ALDH16A1: variants seen among roughly 807,000 people sequenced by gnomAD.
The protein encoded by ALDH16A1 is aldehyde dehydrogenase family 16 member A1.
ALDH16A1 carries 88 observed loss-of-function variants against 96.1 expected under a neutral mutation model. The ratio of observed to expected loss-of-function variants is 0.92; its 90% CI spans 0.77 to 1.09. The LOEUF is 1.09. ALDH16A1 is among the 50% of genes least tolerant of loss of function. The pLI is 0.00. For missense variants in ALDH16A1, 1,250 were observed against 1,112.6 expected (o/e 1.12, Z -1.76); for synonymous variants, 522 against 496.4 (o/e 1.05, Z -0.69).
At chr19:49,469,022 C>A in intron 16 of ALDH16A1, 36 bp downstream of exon 16, 1 of 1,581,902 alleles carries the variant, frequency 6.3e-7, no homozygotes, top group Non-Finnish European at 8.6e-7. Context: ...TTCAGCATCT[C>A]AAACTTCAAA....
Position 49,463,946 on chromosome 19 carries a change from G to A in ALDH16A1, c.1191G>A (p.Val397=). 6.2e-7 allele frequency: 1 copy of A among 1,608,512 alleles called. No homozygotes were observed. Among genetic ancestry groups the A allele is most frequent in the Non-Finnish European group, 8.5e-7 (1 of 1,177,040 alleles). The change falls in exon 9 of 17, where the codon GTG becomes GTA. Residue 397 remains valine (V), a synonymous_variant. Coordinates refer to ENST00000293350, the MANE Select transcript of ALDH16A1 (RefSeq NM_153329.4). ...CCCCAGCCTCCCCATGTGCCCAGGT[G>A]GAGGTGAGACCCTTAAGGCTGCAGA... The part of the protein sequence containing the change: ...NLPPASPCAQ[V]EVPWPVVVAS...
intron 12 of ALDH16A1, among the ~76,000 whole-genome samples, chr19:49,465,349 T>TA (rs146440084): frequency 0.03 from 3,161 of 105,636 alleles, 109 homozygotes; most frequent in African/African-American, 0.1. Context: ...CTCATGGGAG[T>TA]AGGAGTTTAG....
intron 1 of ALDH16A1, among the ~76,000 whole-genome samples, chr19:49,454,506 C>T (rs1182788758): frequency 6.6e-6 from 1 of 152,160 alleles, no homozygotes; most frequent in African/African-American, 2.4e-5. Context: ...CCCATGACCC[C>T]TCAGAGGCCC....
At chr19:49,469,464 A>C (rs2079226919) in intron 16 of ALDH16A1, 1 of 151,916 alleles carries the variant, frequency 6.6e-6, no homozygotes, top group Non-Finnish European at 1.5e-5. Context: ...GGCCAGGCTG[A>C]TCTTGAACTC....
intron 1 of ALDH16A1, among the ~76,000 whole-genome samples, chr19:49,458,259 G>A (rs1028314315): frequency 6.6e-6 from 1 of 152,088 alleles, no homozygotes; most frequent in Admixed American, 6.5e-5. Flanking sequence ...CTAGAGTGGT[G>A]ATGGTTACAC....
At chr19:49,458,753 A>G (rs1361800000) in intron 2 of ALDH16A1, among the ~76,000 whole-genome samples, 165 bp downstream of exon 2, 45 of 152,022 alleles carry the variant, frequency 3.0e-4, no homozygotes, top group Non-Finnish European at 8.8e-5. Context: ...CACCCTAATT[A>G]TGGTTCCGGG....
Position 49,468,464 on chromosome 19 carries a change from G to A in ALDH16A1, c.2022G>A (p.Leu674=). The change falls in exon 15 of 17, where the codon CTG becomes CTA. Residue 674 remains leucine, a synonymous_variant. Transcript: ENST00000293350. This position sits in a 1 kb window ranked among gnomAD's most constrained non-coding sequence, Gnocchi z 4.4. Reference sequence around the variant, plus strand: ...TGGTGTGTCCGGACGAGTGGCCCCTGCTTGCCTTCGTGTCCCTGCTGGCTC... The same window carrying A: ...TGGTGTGTCCGGACGAGTGGCCCCTACTTGCCTTCGTGTCCCTGCTGGCTC... ...LAVVCPDEWP[L]LAFVSLLAPA... 6.2e-7 allele frequency: 1 copy of A among 1,602,270 alleles called. No homozygotes were observed. Among genetic ancestry groups the A allele is most frequent in the South Asian group, 1.1e-5 (1 of 91,050 alleles).
intron 14 of ALDH16A1, 90 bp downstream of exon 14, chr19:49,466,373 G>A (rs2079199233): frequency 1.5e-6 from 2 of 1,331,522 alleles, no homozygotes; most frequent in Non-Finnish European, 2.0e-6. Context: ...TGGAATTCGG[G>A]CCCAGCCCCA....
In ALDH16A1 at chr19:49,461,986, G is replaced by C. The variant is rs2079153481; in HGVS notation, c.862G>C (p.Asp288His). Residue 288 changes from aspartate (D) to histidine (H), a missense_variant, in exon 7 of 17, where the codon GAC (aspartate) becomes CAC (histidine). Coordinates refer to ENST00000293350, the MANE Select transcript of ALDH16A1 (RefSeq NM_153329.4). ...GCTGCTGACGGACACGGCGGACGTA[G>C]ACTCGGCCGTGGAGGGTGTCGTGGA... Reference protein sequence around the residue: ...LLLLTDTADVDSAVEGVVDAA... With the variant: ...LLLLTDTADVHSAVEGVVDAA... 4.5e-6 allele frequency: 7 copies of C among 1,550,482 alleles called. No homozygotes were observed. The highest frequency in any genetic ancestry group is 5.2e-6 in the Non-Finnish European group (6 of 1,151,404).
In ALDH16A1 at chr19:49,459,098, G is replaced by A. The variant is rs369600719; in HGVS notation, c.320+12G>A. 3.7e-6 allele frequency: 6 copies of A among 1,609,630 alleles called. No individual in the cohort carries two copies. In the African/African-American group the frequency reaches 8.0e-5, roughly 21 times the overall value. On this transcript the variant is annotated intron_variant, in intron 3 of 16. Coordinates refer to ENST00000293350, the MANE Select transcript of ALDH16A1 (RefSeq NM_153329.4). The surrounding 1 kb of genome is among the most constrained non-coding windows in gnomAD (Gnocchi z 4.1). ...CAGCACCTGACCAGGTGATGCAGCT[G>A]AGGTGTGGACCCCGGGAGGCGGGGA...
At chr19:49,454,296 T>TAC (rs2079092402) in intron 1 of ALDH16A1, among the ~76,000 whole-genome samples, 1 of 152,146 alleles carries the variant, frequency 6.6e-6, no homozygotes, top group Admixed American at 6.5e-5. Flanking sequence ...GTGCTGGGAT[T>TAC]ACAGGCGTGA....
chr19:49,454,897 T>C (rs2079095592), intron 1 of ALDH16A1, among the ~76,000 whole-genome samples: 1 of 152,106 alleles, frequency 6.6e-6, no homozygotes, highest in Admixed American at 6.6e-5. Context: ...GGTGGGCGGA[T>C]CACCTGAGGT....
At position 49,466,239 on chromosome 19, in the gene ALDH16A1, C is replaced by T. The variant is rs1234369468; in HGVS notation, c.1894C>T (p.Arg632Trp). 7.4e-6 allele frequency: 11 copies of T among 1,491,516 alleles called. No individual in the cohort carries two copies. Among genetic ancestry groups the T allele is most frequent in the Admixed American group, 2.4e-5 (1 of 41,542 alleles). 92.4% of individuals were successfully genotyped at this position (1,491,516 alleles called of 1,614,324 possible). The change falls in exon 14 of 17, where the codon CGG (arginine) becomes TGG (tryptophan). Residue 632 changes from arginine to tryptophan, a missense_variant. Physicochemically the swap from Arg to Trp is moderately radical, Grantham distance 101. Coordinates refer to ENST00000293350, the MANE Select transcript of ALDH16A1 (RefSeq NM_153329.4). ...GGTGGAGCTGAGCGCAAGACGACTTCGGGCGTGGGGGGCCCGGGTGCAGGC... is the reference window on the plus strand; with the variant it reads ...GGTGGAGCTGAGCGCAAGACGACTTTGGGCGTGGGGGGCCCGGGTGCAGGC... Reference protein sequence around the residue: ...AEVELSARRLRAWGARVQAQG... With the variant: ...AEVELSARRLWAWGARVQAQG...
chr19:49,462,429 C>T (rs2079158224), intron 7 of ALDH16A1, 141 bp from the exon 8 acceptor site: 1 of 1,116,812 alleles, frequency 9.0e-7, no homozygotes. Flanking sequence ...GCCACCGCAT[C>T]CGGCCTCTCT....
intron 12 of ALDH16A1, among the ~76,000 whole-genome samples, 166 bp downstream of exon 12, chr19:49,464,928 A>C (rs1396624219): frequency 6.6e-6 from 1 of 152,230 alleles, no homozygotes; most frequent in Non-Finnish European, 1.5e-5. Context: ...AGGCCTGCCG[A>C]GACTCTCAGC....
chr19:49,468,647 T>C lies in ALDH16A1; in HGVS notation c.2124+81T>C. 3 of 1,527,826 alleles carry C rather than the reference T, an allele frequency of 2.0e-6. No homozygotes were observed. The highest frequency in any genetic ancestry group is 2.7e-6 in the Non-Finnish European group (3 of 1,131,978). 94.6% of individuals were successfully genotyped at this position (1,527,826 alleles called of 1,614,324 possible). On this transcript the variant is annotated intron_variant, in intron 15 of 16. Coordinates refer to ENST00000293350, the MANE Select transcript of ALDH16A1 (RefSeq NM_153329.4). The surrounding 1 kb of genome is among the most constrained non-coding windows in gnomAD (Gnocchi z 4.4). ...AGGCGCCCCAAAGTCGGCAGGAGCT[T>C]GTCTCTTACCCCACCCTCCGTGGTA... is the stretch of plus-strand genomic sequence containing the variant.
rs1230265145 is a variant in ALDH16A1 at position 49,461,815 on chromosome 19, G to GGGGT, written c.759+16_759+19dup. 1 of 1,608,712 alleles carries GGGGT rather than the reference G, an allele frequency of 6.2e-7. No individual in the cohort carries two copies. The highest frequency in any genetic ancestry group is 1.7e-5 in the Admixed American group (1 of 59,390). On this transcript the variant is annotated intron_variant, in intron 6 of 16. Transcript: ENST00000293350. ...GAGCCCCGGAGGTACCTTCGGGACA[G>GGGGT]GGGTCGTGGCGGAACGCGGCTGGGG...
rs1043839420 is a variant in ALDH16A1, at chr19:49,461,914, G to A, written c.790G>A (p.Gly264Arg). 6.3e-7 allele frequency: 1 copy of A among 1,581,290 alleles called. No homozygotes were observed. Among genetic ancestry groups the A allele is most frequent in the East Asian group, 2.3e-5 (1 of 42,948 alleles). Residue 264 changes from glycine (G) to arginine (R), a missense_variant, in exon 7 of 17, where the codon GGA (glycine) becomes AGA (arginine). Gly to Arg is a moderately radical substitution (Grantham distance 125). Transcript: ENST00000293350. ...EGRALRRSLA[G>R]ECAELGLALG... ...GCGTGCCCTTCGACGGAGCCTGGCG[G>A]GAGAGTGTGCGGAGCTGGGCCTGGC...
intron 14 of ALDH16A1, 128 bp downstream of exon 14, chr19:49,466,411 A>C: frequency 2.9e-6 from 3 of 1,038,988 alleles, no homozygotes; most frequent in South Asian, 1.9e-5. Context: ...ATCATCAGCA[A>C]GTGGCTTCAC....
Sources: allele counts gnomAD v4.1 joint callset (sites outside exome capture counted in the v4.1 genomes callset), GRCh38; gene constraint gnomAD v4.1.1; non-coding constraint Gnocchi (gnomAD v3.1); transcripts MANE v1.5; gene names NCBI Gene and HGNC (gene_info 2026-07-23, HGNC 2026-07-21).